BCAS3: variants seen among roughly 807,000 people sequenced by gnomAD.
The protein encoded by BCAS3 is BCAS3 microtubule associated cell migration factor, also known as BCAS4/BCAS3 fusion.
In BCAS3, 53 loss-of-function variants were observed where a neutral mutation model predicts 116.1. The ratio of observed to expected loss-of-function variants is 0.46; its 90% confidence interval spans 0.37 to 0.57. The LOEUF (loss-of-function observed/expected upper bound fraction) is 0.57, where lower values mean the gene tolerates loss of function less well. BCAS3 is among the 20% of genes least tolerant of loss of function. BCAS3 has a pLI of 0.00. For missense variants in BCAS3, 917 were observed against 1,165.4 expected (o/e 0.79, Z 3.10); for synonymous variants, 391 against 408.2 (o/e 0.96, Z 0.51).
intron 5 of BCAS3, among the ~76,000 whole-genome samples, chr17:60,742,653 G>A (rs904570119): frequency 2.6e-5 from 4 of 151,318 alleles, no homozygotes; most frequent in African/African-American, 9.7e-5. Flanking sequence ...GGCTGGTCTC[G>A]AACTCATGAC....
chr17:60,990,107 A>G lies in BCAS3; in HGVS notation c.1358A>G (p.Asn453Ser). The change falls in exon 15 of 24, where the codon AAT (asparagine) becomes AGT (serine). Residue 453 changes from asparagine (N) to serine (S), a missense_variant. By Grantham distance (46) the Asn-to-Ser change is conservative (BLOSUM62 1). Coordinates refer to ENST00000407086, the MANE Select transcript of BCAS3 (RefSeq NM_017679.5). This position sits in a 1 kb window ranked among gnomAD's most constrained non-coding sequence, Gnocchi z 5.1. ...VRTHMSPRVVNRMSRFQKSAG... is the reference protein window; with the variant it reads ...VRTHMSPRVVSRMSRFQKSAG... ...ACACATATGTCACCACGAGTAGTGA[A>G]TCGCATGAGCCGTTTCCAGAAAAGT... is the stretch of plus-strand genomic sequence containing the variant. 6.2e-7 allele frequency: 1 copy of G among 1,614,186 alleles called. No homozygotes were observed. The highest frequency in any genetic ancestry group is 8.5e-7 in the Non-Finnish European group (1 of 1,180,046).
rs1299676394 is a variant in BCAS3, at chr17:61,363,824, A to C, written c.2426-4503A>C. Among the ~76,000 whole-genome samples, 1 of 152,164 alleles carries C rather than the reference A, an allele frequency of 6.6e-6. No homozygotes were observed. Among genetic ancestry groups the C allele is most frequent in the African/African-American group, 2.4e-5 (1 of 41,452 alleles). ...GTAATGGGACTCAAAGGGCCAGCTCATCTGATGGAGTGTCCCTGGGCTGGT... is the reference window on the plus strand; with the variant it reads ...GTAATGGGACTCAAAGGGCCAGCTCCTCTGATGGAGTGTCCCTGGGCTGGT... On this transcript the variant is annotated intron_variant, in intron 22 of 23. Coordinates refer to ENST00000407086, the MANE Select transcript of BCAS3 (RefSeq NM_017679.5). This position sits in a 1 kb window ranked among gnomAD's most constrained non-coding sequence, Gnocchi z 4.9.
intron 12 of BCAS3, among the ~76,000 whole-genome samples, chr17:60,914,405 GTCTT>G (rs1304801645): frequency 6.6e-6 from 1 of 152,088 alleles, no homozygotes; most frequent in Non-Finnish European, 1.5e-5. Context: ...GATGGCTTCT[GTCTT>G]TATTATTGCC....
intron 19 of BCAS3, chr17:61,070,195 A>T (rs923817587): frequency 6.4e-7 from 1 of 1,564,872 alleles, no homozygotes; most frequent in South Asian, 1.1e-5. Flanking sequence ...CAAGCACCAG[A>T]TTAAACAGGC....
chr17:61,050,665 CATT>C (rs2068776447), intron 19 of BCAS3, among the ~76,000 whole-genome samples: 1 of 151,896 alleles, frequency 6.6e-6, no homozygotes, highest in Admixed American at 6.6e-5. Context: ...TATCAATACT[CATT>C]AGTTATAAAC....
chr17:61,328,115 C>T (rs2055886031), intron 22 of BCAS3, among the ~76,000 whole-genome samples: 1 of 150,652 alleles, frequency 6.6e-6, no homozygotes, highest in African/African-American at 2.4e-5. Context: ...GAGAGAGTAA[C>T]AATAAATTTT....
intron 15 of BCAS3, among the ~76,000 whole-genome samples, chr17:61,002,200 AAAT>A (rs572719146): frequency 1.3e-5 from 2 of 152,240 alleles, no homozygotes; most frequent in East Asian, 3.9e-4. Context: ...TTTTAAACCT[AAAT>A]AAACTCTATG....
rs528442198 is a variant in BCAS3, at chr17:61,131,066, A to G, written c.2425+46502A>G. Among the ~76,000 whole-genome samples, 34 of 151,346 alleles carry G rather than the reference A, an allele frequency of 2.2e-4. No homozygotes were observed. The highest frequency in any genetic ancestry group is 6.8e-4 in the African/African-American group (28 of 41,262). ...GCAAGACTCTGTCTCAAAAAGGGGGAAAAAAAAAGATGTTGGAGACCTAGG... is the reference window on the plus strand; with the variant it reads ...GCAAGACTCTGTCTCAAAAAGGGGGGAAAAAAAAGATGTTGGAGACCTAGG... On this transcript the variant is annotated intron_variant, in intron 22 of 23. Coordinates refer to ENST00000407086, the MANE Select transcript of BCAS3 (RefSeq NM_017679.5). This position sits in a 1 kb window ranked among gnomAD's most constrained non-coding sequence, Gnocchi z 4.4.
chr17:61,054,517 C>T (rs1211621269), intron 19 of BCAS3, among the ~76,000 whole-genome samples: 1 of 152,128 alleles, frequency 6.6e-6, no homozygotes, highest in Non-Finnish European at 1.5e-5. Context: ...CAGGTGTGCA[C>T]CACCATGCCT....
intron 8 of BCAS3, among the ~76,000 whole-genome samples, chr17:60,871,100 C>T (rs572070355): frequency 9.2e-5 from 14 of 152,252 alleles, no homozygotes; most frequent in African/African-American, 3.1e-4. Flanking sequence ...AATATTCCTA[C>T]GTTGCTAATT....
In BCAS3 at chr17:61,077,307, G is replaced by A. The variant is rs2143478543; in HGVS notation, c.2131-1026G>A. On this transcript the variant is annotated intron_variant, in intron 20 of 23. Coordinates refer to ENST00000407086, the MANE Select transcript of BCAS3 (RefSeq NM_017679.5). This position sits in a 1 kb window ranked among gnomAD's most constrained non-coding sequence, Gnocchi z 4.3. ...CCGAGGCAGGCGGATCACCAGGTCAGGAGACCAAGACCATCCTGGCTAACA... is the reference window on the plus strand; with the variant it reads ...CCGAGGCAGGCGGATCACCAGGTCAAGAGACCAAGACCATCCTGGCTAACA... Among the ~76,000 whole-genome samples, 1 of 152,256 alleles carries A rather than the reference G, an allele frequency of 6.6e-6. No homozygotes were observed. The highest frequency in any genetic ancestry group is 2.1e-4 in the South Asian group (1 of 4,822).
chr17:61,273,283 T>C (rs1047476761), intron 22 of BCAS3, among the ~76,000 whole-genome samples: 2 of 151,954 alleles, frequency 1.3e-5, no homozygotes, highest in Non-Finnish European at 2.9e-5. Context: ...TAATTTTTTG[T>C]ATTTTTTGTA....
chr17:60,893,831 A>G (rs2057339007), intron 10 of BCAS3, among the ~76,000 whole-genome samples: 1 of 151,216 alleles, frequency 6.6e-6, no homozygotes, highest in Non-Finnish European at 1.5e-5. Context: ...CTGGTCTTGA[A>G]CTCCTGACCT....
In BCAS3 at chr17:61,313,234, C is replaced by T. The variant is rs2054468215; in HGVS notation, c.2426-55093C>T. Among the ~76,000 whole-genome samples, 1 of 152,166 alleles carries T rather than the reference C, an allele frequency of 6.6e-6. No homozygotes were observed. The highest frequency in any genetic ancestry group is 2.4e-5 in the African/African-American group (1 of 41,442). On this transcript the variant is annotated intron_variant, in intron 22 of 23. Transcript: ENST00000407086. The surrounding 1 kb of genome is among the most constrained non-coding windows in gnomAD (Gnocchi z 4.3). ...TAAGAGGAAACTAAGGTTCAAAGAACCAATACTTTCTCAATGCCATATAAC... is the reference window on the plus strand; with the variant it reads ...TAAGAGGAAACTAAGGTTCAAAGAATCAATACTTTCTCAATGCCATATAAC...
chr17:61,172,211 A>G (rs1192183725), intron 22 of BCAS3, among the ~76,000 whole-genome samples: 1 of 152,230 alleles, frequency 6.6e-6, no homozygotes, highest in African/African-American at 2.4e-5. Context: ...AGAATCAGCA[A>G]GAAGGAGATA....
Position 61,023,605 on chromosome 17 carries a change from A to C in BCAS3, c.1637+7704A>C, listed in dbSNP as rs1183274161. 2.6e-5 allele frequency among the ~76,000 whole-genome samples: 4 copies of C among 152,146 alleles called. No homozygotes were observed. Among genetic ancestry groups the C allele is most frequent in the African/African-American group, 9.7e-5 (4 of 41,428 alleles). On this transcript the variant is annotated intron_variant, in intron 16 of 23. Transcript: ENST00000407086. The surrounding 1 kb of genome is among the most constrained non-coding windows in gnomAD (Gnocchi z 4.8). ...GTGTTTACCTTGTTTTCAGCTAGTA[A>C]GATTGAAGACTTTGTGGCACCATGT...
chr17:60,997,794 C>T (rs1187205235), intron 15 of BCAS3, among the ~76,000 whole-genome samples: 1 of 152,168 alleles, frequency 6.6e-6, no homozygotes, highest in Non-Finnish European at 1.5e-5. Context: ...TATATTTGCT[C>T]CTTCTGTAAA....
chr17:60,741,989 C>G (rs571026572), intron 5 of BCAS3, among the ~76,000 whole-genome samples: 2 of 152,082 alleles, frequency 1.3e-5, no homozygotes, highest in Non-Finnish European at 2.9e-5. Context: ...GGACAGATAT[C>G]CTGCATTTTT....
rs1015538923 is a variant in BCAS3, at chr17:61,215,452, T to C, written c.2425+130888T>C. 6.6e-6 allele frequency among the ~76,000 whole-genome samples: 1 copy of C among 152,184 alleles called. No individual in the cohort carries two copies. The highest frequency in any genetic ancestry group is 1.5e-5 in the Non-Finnish European group (1 of 68,034). On this transcript the variant is annotated intron_variant, in intron 22 of 23. Transcript: ENST00000407086. The surrounding 1 kb of genome is among the most constrained non-coding windows in gnomAD (Gnocchi z 4.8). ...GATTCCTGTCCTCCCTCTAGATTTG[T>C]AGTAATTCTATGATATATTACTTGA...
Sources: allele counts gnomAD v4.1 joint callset (sites outside exome capture counted in the v4.1 genomes callset), GRCh38; gene constraint gnomAD v4.1.1; non-coding constraint Gnocchi (gnomAD v3.1); transcripts MANE v1.5; gene names NCBI Gene and HGNC (gene_info 2026-07-23, HGNC 2026-07-21).